Variants in CRIM1 observed in about 807,000 individuals in gnomAD.
The protein encoded by CRIM1 is cysteine-rich motor neuron 1 protein.
A neutral mutation model predicts 116.4 loss-of-function variants in CRIM1; 32 were observed. That is an observed-to-expected ratio of 0.27 (90% CI 0.21 to 0.37). The LOEUF (loss-of-function observed/expected upper bound fraction) is 0.37. Ranked by LOEUF, CRIM1 falls within the 10% of genes least tolerant of loss-of-function variation. The pLI is 1.00. For synonymous variants in CRIM1, 590 were observed against 509.2 expected, an observed-to-expected ratio of 1.16 and a Z score of -2.13; for missense variants, 1,331 against 1,354.8, an observed-to-expected ratio of 0.98 and a Z score of 0.28.
intron 8 of CRIM1, among the ~76,000 whole-genome samples, chr2:36,508,545 T>C (rs924160877): frequency 6.6e-6 from 1 of 152,226 alleles, no homozygotes; most frequent in African/African-American, 2.4e-5. Flanking sequence ...AATTAGACTC[T>C]GCTTCCCATT....
At chr2:36,439,638 G>C (rs1462337043) in intron 2 of CRIM1, among the ~76,000 whole-genome samples, 1 of 152,036 alleles carries the variant, frequency 6.6e-6, no homozygotes, top group Non-Finnish European at 1.5e-5. Context: ...CTTCTCCAAA[G>C]TATCTCCGTG....
At position 36,356,676 on chromosome 2, in the gene CRIM1, G is replaced by A. The variant is rs1204775670; in HGVS notation, c.331+53G>A. 1.0e-5 allele frequency: 16 copies of A among 1,534,312 alleles called. No individual in the cohort carries two copies. The highest frequency in any genetic ancestry group is 1.3e-5 in the Non-Finnish European group (15 of 1,138,180). Reference sequence around the variant, plus strand: ...CCACCTGGCCTGCGCCGCCCCCTCGGCGCTGGTTGTGCCGAACAAAGTTTG... The same window carrying A: ...CCACCTGGCCTGCGCCGCCCCCTCGACGCTGGTTGTGCCGAACAAAGTTTG... On this transcript the variant is annotated intron_variant, in intron 1 of 16. Transcript: ENST00000280527. The surrounding 1 kb of genome is among the most constrained non-coding windows in gnomAD (Gnocchi z 4.3).
chr2:36,438,911 C>G (rs1251195267), intron 2 of CRIM1, among the ~76,000 whole-genome samples: 2 of 152,204 alleles, frequency 1.3e-5, no homozygotes, highest in Admixed American at 1.3e-4. Flanking sequence ...GTTTCATCAT[C>G]TGTAAAATGG....
chr2:36,522,105 G>A lies in CRIM1; in HGVS notation c.2220G>A (p.Arg740=). The change falls in exon 13 of 17, where the codon CGG becomes CGA. Residue 740 remains arginine, a synonymous_variant. Transcript: ENST00000280527. The part of the protein sequence containing the change: ...CCPQCTDQPF[R]PSLSRNNSVP... The stretch of plus-strand genomic sequence containing the variant: ...TCATTTTTCCAGATCAACCTTTTCG[G>A]CCTTCCTTGTCCCGCAATAACAGCG... 2 of 1,614,054 alleles carry A rather than the reference G, an allele frequency of 1.2e-6. No individual in the cohort carries two copies. The highest frequency in any genetic ancestry group is 8.5e-7 in the Non-Finnish European group (1 of 1,179,968).
intron 1 of CRIM1, among the ~76,000 whole-genome samples, chr2:36,378,019 A>G (rs972610771): frequency 6.6e-6 from 1 of 152,220 alleles, no homozygotes; most frequent in Non-Finnish European, 1.5e-5. Context: ...TTTGTTTTCA[A>G]TAAGCATTAT....
At chr2:36,418,148 G>A (rs1268894119) in intron 2 of CRIM1, among the ~76,000 whole-genome samples, 9 of 152,184 alleles carry the variant, frequency 5.9e-5, no homozygotes, top group African/African-American at 2.2e-4. Context: ...GCTCAAGGAG[G>A]AGTGTTTACT....
At chr2:36,497,281 A>C (rs2888369) in intron 7 of CRIM1, among the ~76,000 whole-genome samples, 1 of 152,020 alleles carries the variant, frequency 6.6e-6, no homozygotes, top group Non-Finnish European at 1.5e-5. Context: ...TCTAGAACAT[A>C]GAAGTCCTTT....
chr2:36,370,671 A>T (rs946282535), intron 1 of CRIM1, among the ~76,000 whole-genome samples: 1 of 152,190 alleles, frequency 6.6e-6, no homozygotes, highest in Non-Finnish European at 1.5e-5. Context: ...CTTGAGTCAG[A>T]AATGCTTGAG....
chr2:36,427,711 C>A (rs1227845752), intron 2 of CRIM1, among the ~76,000 whole-genome samples: 2 of 152,214 alleles, frequency 1.3e-5, no homozygotes, highest in East Asian at 3.9e-4. Context: ...ACAGAGAAGT[C>A]CCTATGGTAT....
intron 13 of CRIM1, among the ~76,000 whole-genome samples, chr2:36,533,907 A>C (rs1319422744): frequency 1.4e-5 from 2 of 143,056 alleles, no homozygotes; most frequent in Non-Finnish European, 3.1e-5. Context: ...TCGTGTGTGG[A>C]GAGAGGAAGG....
chr2:36,404,531 C>A (rs1672646179), intron 2 of CRIM1, among the ~76,000 whole-genome samples: 1 of 152,208 alleles, frequency 6.6e-6, no homozygotes, highest in Non-Finnish European at 1.5e-5. Context: ...TTCATTCATG[C>A]ATTTATTCAT....
chr2:36,395,794 C>T (rs1371050897), intron 1 of CRIM1, among the ~76,000 whole-genome samples: 1 of 152,116 alleles, frequency 6.6e-6, no homozygotes, highest in African/African-American at 2.4e-5. Flanking sequence ...TCAGTCTCCC[C>T]AAACGCATTA....
In CRIM1 at chr2:36,497,586, T is replaced by C. The variant is rs551737091; in HGVS notation, c.1373-1633T>C. On this transcript the variant is annotated intron_variant, in intron 7 of 16. Transcript: ENST00000280527. The stretch of plus-strand genomic sequence containing the variant: ...AGTTATTTTTTGATGTTTACAGTTA[T>C]CTGTCAGGAAGAATACCTTGGTTAT... 3.9e-5 allele frequency among the ~76,000 whole-genome samples: 6 copies of C among 152,352 alleles called. No homozygotes were observed. The East Asian group carries it at 5.8e-4, about 15-fold the overall frequency.
chr2:36,514,374 A>T (rs1190993388), intron 11 of CRIM1, among the ~76,000 whole-genome samples: 1 of 152,220 alleles, frequency 6.6e-6, no homozygotes, highest in East Asian at 1.9e-4. Flanking sequence ...TATGATTGTC[A>T]ATAACAGTAA....
At chr2:36,362,740 C>T (rs944326365) in intron 1 of CRIM1, among the ~76,000 whole-genome samples, 3 of 152,114 alleles carry the variant, frequency 2.0e-5, no homozygotes, top group Admixed American at 6.5e-5. Context: ...TAAACTCTTA[C>T]GTGTTTTATC....
At chr2:36,441,533 C>G in intron 3 of CRIM1, 33 bp downstream of exon 3, 1 of 1,597,540 alleles carries the variant, frequency 6.3e-7, no homozygotes, top group Non-Finnish European at 8.5e-7. Flanking sequence ...CAGCCTTGTT[C>G]CTTTGCATCA....
intron 13 of CRIM1, among the ~76,000 whole-genome samples, chr2:36,535,370 A>G (rs900926546): frequency 6.6e-6 from 1 of 152,240 alleles, no homozygotes; most frequent in Non-Finnish European, 1.5e-5. Context: ...AGGATTCCAT[A>G]TTAATCAAGA....
chr2:36,444,001 T>C (rs1021222936), intron 4 of CRIM1, among the ~76,000 whole-genome samples: 2 of 152,228 alleles, frequency 1.3e-5, no homozygotes, highest in Non-Finnish European at 2.9e-5. Context: ...TGAAATATCT[T>C]GCAAACATAA....
At chr2:36,360,163 G>A (rs943473485) in intron 1 of CRIM1, among the ~76,000 whole-genome samples, 5 of 152,188 alleles carry the variant, frequency 3.3e-5, no homozygotes, top group South Asian at 2.1e-4. Flanking sequence ...GTGTCATAGC[G>A]CTTTATGCTT....
Sources: allele counts gnomAD v4.1 joint callset (sites outside exome capture counted in the v4.1 genomes callset), GRCh38; gene constraint gnomAD v4.1.1; non-coding constraint Gnocchi (gnomAD v3.1); transcripts MANE v1.5; gene names NCBI Gene and HGNC (gene_info 2026-07-23, HGNC 2026-07-21).